The following DNER variants were observed in gnomAD, a reference collection of about 807,000 sequenced individuals.
The protein encoded by DNER is delta/notch like EGF repeat containing.
A neutral mutation model predicts 78.2 loss-of-function variants in DNER; 33 were observed. That is an observed-to-expected ratio of 0.42 (90% CI 0.32 to 0.56). DNER has a LOEUF of 0.56. DNER is among the 20% of genes least tolerant of loss of function. DNER has a pLI of 0.11. For missense variants in DNER, 918 were observed against 975.3 expected, an observed-to-expected ratio of 0.94 and a Z score of 0.78; for synonymous variants, 417 against 384.8, an observed-to-expected ratio of 1.08 and a Z score of -0.98.
intron 1 of DNER, among the ~76,000 whole-genome samples, chr2:229,684,741 C>T (rs1364617166): frequency 6.6e-6 from 1 of 152,190 alleles, no homozygotes; most frequent in African/African-American, 2.4e-5. Flanking sequence ...ACAGACCTGG[C>T]TGTACTTTCT....
At chr2:229,415,301 G>A (rs1693622341) in intron 9 of DNER, among the ~76,000 whole-genome samples, 1 of 152,122 alleles carries the variant, frequency 6.6e-6, no homozygotes, top group Non-Finnish European at 1.5e-5. Flanking sequence ...TAACCTAAGG[G>A]GACTTGGAAG....
chr2:229,378,338 C>T (rs1405057731), intron 11 of DNER, among the ~76,000 whole-genome samples: 2 of 152,164 alleles, frequency 1.3e-5, no homozygotes, highest in African/African-American at 4.8e-5. Context: ...AGGGAAGGCA[C>T]CTTTGAACTG....
At chr2:229,550,139 C>T (rs1034089259) in intron 4 of DNER, among the ~76,000 whole-genome samples, 1 of 151,410 alleles carries the variant, frequency 6.6e-6, no homozygotes. Flanking sequence ...ATTACATATA[C>T]GCGCCACCAC....
intron 8 of DNER, among the ~76,000 whole-genome samples, chr2:229,443,890 C>A (rs1019051603): frequency 5.3e-5 from 8 of 152,246 alleles, no homozygotes; most frequent in African/African-American, 1.9e-4. Context: ...TAAGTTCTTG[C>A]CTGGTGTTAA....
At chr2:229,522,809 T>C (rs75869894) in intron 5 of DNER, among the ~76,000 whole-genome samples, 3,591 of 152,260 alleles carry the variant, frequency 0.024, 139 homozygotes, top group African/African-American at 0.081. Context: ...AGGACAAAGC[T>C]ATCATCTCCT....
At chr2:229,653,510 C>T (rs979209488) in intron 1 of DNER, among the ~76,000 whole-genome samples, 1 of 152,218 alleles carries the variant, frequency 6.6e-6, no homozygotes, top group African/African-American at 2.4e-5. Flanking sequence ...GGATGGCCAG[C>T]ATCTTCAGCT....
chr2:229,702,945 GT>G (rs1212179316), intron 1 of DNER, among the ~76,000 whole-genome samples: 1 of 150,460 alleles, frequency 6.6e-6, no homozygotes, highest in African/African-American at 2.4e-5. Flanking sequence ...AAGAATCCTG[GT>G]TCTACCTCAG....
intron 8 of DNER, among the ~76,000 whole-genome samples, chr2:229,431,557 C>G (rs1694006864): frequency 7.2e-6 from 1 of 138,810 alleles, no homozygotes; most frequent in African/African-American, 2.7e-5. Context: ...AGGGTGGATT[C>G]TACTTATTAT....
intron 1 of DNER, among the ~76,000 whole-genome samples, chr2:229,633,043 T>A (rs1026129283): frequency 4.6e-5 from 7 of 152,216 alleles, no homozygotes; most frequent in Admixed American, 2.6e-4. Flanking sequence ...TGTTGTAAAT[T>A]GGTACCCTTC....
chr2:229,439,780 G>A (rs538177217), intron 8 of DNER, among the ~76,000 whole-genome samples: 1 of 152,316 alleles, frequency 6.6e-6, no homozygotes, highest in South Asian at 2.1e-4. Flanking sequence ...TGCAAAACGA[G>A]CTGTCCTCAG....
chr2:229,435,703 C>T (rs1694108619), intron 8 of DNER, among the ~76,000 whole-genome samples: 1 of 152,102 alleles, frequency 6.6e-6, no homozygotes, highest in African/African-American at 2.4e-5. Context: ...ATGAATTGAA[C>T]CTAGGACATT....
Position 229,714,202 on chromosome 2 carries a change from GC to G in DNER, c.221del (p.Gly74AlafsTer100). ...GGCAGGTGCAGCTGTAGCCAGGCTC[GC>G]CGGCGGGGGCCGGGTGCTGCGGGTC... ...EPDPQHPAPA[G>X]EPGYSCTCPA... On this transcript the variant is annotated frameshift_variant, in exon 1 of 13. Transcript: ENST00000341772. LOFTEE classifies it high-confidence loss of function. The G allele has an allele frequency of 7.2e-7, 1 of 1,380,306 alleles. No individual in the cohort carries two copies. The allele number at this position is 1,380,306 out of a possible 1,614,324, so 85.5% of individuals were successfully genotyped here.
At chr2:229,491,184 C>A (rs4973208) in intron 6 of DNER, among the ~76,000 whole-genome samples, 3 of 152,320 alleles carry the variant, frequency 2.0e-5, no homozygotes, top group South Asian at 4.1e-4. Flanking sequence ...ACACGCTGGG[C>A]ATATTCCTGC....
intron 7 of DNER, among the ~76,000 whole-genome samples, chr2:229,469,678 C>T (rs150249652): frequency 3.9e-4 from 60 of 152,322 alleles, no homozygotes; most frequent in South Asian, 2.5e-3. Context: ...CATGGTGGCT[C>T]ACGCCTGTAA....
chr2:229,438,396 A>AAC (rs1471190155), intron 8 of DNER, among the ~76,000 whole-genome samples: 2 of 152,242 alleles, frequency 1.3e-5, no homozygotes, highest in African/African-American at 4.8e-5. Flanking sequence ...GTTTGCACCT[A>AAC]ACTTGGGGTG....
intron 4 of DNER, among the ~76,000 whole-genome samples, chr2:229,573,681 T>C (rs1046883509): frequency 6.6e-6 from 1 of 152,072 alleles, no homozygotes; most frequent in Non-Finnish European, 1.5e-5. Context: ...GAGAAGGAAA[T>C]GGAAATGAAA....
chr2:229,457,339 G>C (rs541695740), intron 7 of DNER, among the ~76,000 whole-genome samples: 9 of 152,064 alleles, frequency 5.9e-5, no homozygotes, highest in African/African-American at 2.2e-4. Context: ...ATGTTGTAAC[G>C]TACATAGAAG....
intron 1 of DNER, among the ~76,000 whole-genome samples, chr2:229,608,196 C>G (rs1041150723): frequency 1.4e-4 from 22 of 152,042 alleles, no homozygotes; most frequent in African/African-American, 3.9e-4. Flanking sequence ...AAAAATACGA[C>G]CTCAAAACTT....
rs1213929797 is a variant in DNER at position 229,497,913 on chromosome 2, C to CTT, written c.1147+14869_1147+14870insAA. ...AGAGCTAATACCAATTTTTCTCAAA[C>CTT]TCTTCCAAAATATGGAAGAGAAGGC... On this transcript the variant is annotated intron_variant, in intron 6 of 12. Coordinates refer to ENST00000341772, the MANE Select transcript of DNER (RefSeq NM_139072.4). Among the ~76,000 whole-genome samples the CTT allele has an allele frequency of 5.3e-5, 8 of 152,198 alleles. No individual in the cohort carries two copies. In the East Asian group the frequency reaches 1.5e-3, roughly 29 times the overall value.
Sources: gnomAD v4.1 joint callset for allele counts (sites outside exome capture counted in the v4.1 genomes callset) on GRCh38, gnomAD v4.1.1 for gene constraint, MANE v1.5 for transcripts, NCBI Gene and HGNC (gene_info 2026-07-23, HGNC 2026-07-21) for gene names.